Variants in TRRAP observed in about 807,000 individuals in gnomAD.
TRRAP encodes transformation/transcription domain-associated protein.
A neutral mutation model predicts 438.8 loss-of-function variants in TRRAP; 41 were observed. The observed-to-expected ratio is 0.09, with a 90% CI of 0.07 to 0.12. The LOEUF (loss-of-function observed/expected upper bound fraction) is 0.12, where lower values mean the gene tolerates loss of function less well. Ranked by LOEUF, TRRAP falls within the 10% of genes least tolerant of loss-of-function variation. TRRAP has a pLI of 1.00. For missense variants in TRRAP, 3,122 were observed against 5,055.1 expected (o/e 0.62, Z 11.60); for synonymous variants, 1,994 against 1,962.9 (o/e 1.02, Z -0.42).
chr7:99,012,225 C>G lies in TRRAP; in HGVS notation c.11492C>G (p.Ala3831Gly). The G allele has an allele frequency of 6.2e-7, 1 of 1,614,162 alleles. No homozygotes were observed. The highest frequency in any genetic ancestry group is 8.5e-7 in the Non-Finnish European group (1 of 1,180,002). ...TCCCTGGTTCAGAAAGCCGTCACCGCCATCATGACCCGCCTGCACAACCTC... is the reference window on the plus strand; with the variant it reads ...TCCCTGGTTCAGAAAGCCGTCACCGGCATCATGACCCGCCTGCACAACCTC... ...LVSLVQKAVTAIMTRLHNLAQ... is the reference protein window; with the variant it reads ...LVSLVQKAVTGIMTRLHNLAQ... Residue 3831 changes from alanine (A) to glycine (G), a missense_variant, in exon 73 of 73, where the codon GCC (alanine) becomes GGC (glycine). Around this residue, in one of 24 missense-constraint regions of TRRAP, gnomAD observed 192 missense variants for 355.6 expected, o/e 0.54. Coordinates refer to ENST00000456197, the MANE Select transcript of TRRAP (RefSeq NM_001375524.1). This position sits in a 1 kb window ranked among gnomAD's most constrained non-coding sequence, Gnocchi z 5.9.
rs1281305789 is a variant in TRRAP at position 98,948,019 on chromosome 7, A to G, written c.4549-202A>G. 1.3e-5 allele frequency among the ~76,000 whole-genome samples: 2 copies of G among 152,192 alleles called. No homozygotes were observed. Among genetic ancestry groups the G allele is most frequent in the African/African-American group, 4.8e-5 (2 of 41,446 alleles). ...CCCCTACAATGGACAGGAATGCTGAAGGCCACGGGCAGTCAGTTTCCTTAG... is the reference window on the plus strand; with the variant it reads ...CCCCTACAATGGACAGGAATGCTGAGGGCCACGGGCAGTCAGTTTCCTTAG... On this transcript the variant is annotated intron_variant, in intron 33 of 72. Coordinates refer to ENST00000456197, the MANE Select transcript of TRRAP (RefSeq NM_001375524.1). The surrounding 1 kb of genome is among the most constrained non-coding windows in gnomAD (Gnocchi z 4.9).
At chr7:98,928,216 A>G (rs1790143353) in intron 23 of TRRAP, among the ~76,000 whole-genome samples, 1 of 152,116 alleles carries the variant, frequency 6.6e-6, no homozygotes, top group African/African-American at 2.4e-5. Flanking sequence ...AGCCTGGGCA[A>G]CAAGAGCGAA....
chr7:98,892,460 A>C lies in TRRAP; in HGVS notation c.298A>C (p.Ile100Leu). 1.9e-6 allele frequency: 3 copies of C among 1,612,078 alleles called. No individual in the cohort carries two copies. The highest frequency in any genetic ancestry group is 2.5e-6 in the Non-Finnish European group (3 of 1,179,676). Reference protein sequence around the residue: ...RKLVLEIIHRIPTNEHLRPHT... With the variant: ...RKLVLEIIHRLPTNEHLRPHT... ...GCTCGTACTTGAAATAATTCATAGA[A>C]TACCAACCAACGAACATCTTCGTCC... Residue 100 changes from isoleucine to leucine, a missense_variant, in exon 5 of 73, where the codon ATA becomes CTA. By Grantham distance (5) the Ile-to-Leu change is conservative. This residue lies in a region of TRRAP where 343 missense variants were observed against 564.0 expected (regional missense o/e 0.61). Transcript: ENST00000456197.
At chr7:98,919,366 C>T (rs976042968) in intron 20 of TRRAP, among the ~76,000 whole-genome samples, 5 of 151,952 alleles carry the variant, frequency 3.3e-5, no homozygotes, top group Admixed American at 6.6e-5. Flanking sequence ...TTTGGGAGGC[C>T]GAGGCAGGAG....
At chr7:98,981,678 G>T in intron 58 of TRRAP, 91 bp from the exon 59 acceptor site, 1 of 1,395,298 alleles carries the variant, frequency 7.2e-7, no homozygotes, top group South Asian at 1.4e-5. Flanking sequence ...CATACCTAGT[G>T]ACCAAAAAAA....
intron 28 of TRRAP, among the ~76,000 whole-genome samples, chr7:98,936,943 A>T (rs1790582816): frequency 6.6e-6 from 1 of 152,152 alleles, no homozygotes; most frequent in East Asian, 1.9e-4. Flanking sequence ...GGGAAAGAAA[A>T]TTCAGCCGGG....
intron 67 of TRRAP, chr7:98,999,961 GA>G: frequency 4.5e-5 from 10 of 220,898 alleles, no homozygotes; most frequent in Admixed American, 5.7e-5. Context: ...ATAACAATCA[GA>G]AAAAAAGGAT....
chr7:98,972,580 ACT>A (rs1274464052), intron 53 of TRRAP, among the ~76,000 whole-genome samples: 6 of 152,012 alleles, frequency 3.9e-5, no homozygotes, highest in South Asian at 2.1e-4. Context: ...CCAGGTAGAA[ACT>A]CTCTGGCTTC....
At chr7:98,945,889 C>G in intron 32 of TRRAP, 41 bp from the exon 33 acceptor site, 1 of 1,562,864 alleles carries the variant, frequency 6.4e-7, no homozygotes, top group Non-Finnish European at 8.6e-7. Context: ...TTTTACCTTT[C>G]TGTTGCCTTT....
chr7:99,006,117 G>A (rs369622536), intron 69 of TRRAP, among the ~76,000 whole-genome samples: 10 of 152,322 alleles, frequency 6.6e-5, no homozygotes, highest in African/African-American at 2.2e-4. Flanking sequence ...ACCTCTGAAT[G>A]AAGTCTTTGT....
intron 62 of TRRAP, among the ~76,000 whole-genome samples, chr7:98,987,224 A>C (rs1204658486): frequency 6.6e-6 from 1 of 152,178 alleles, no homozygotes; most frequent in Non-Finnish European, 1.5e-5. Flanking sequence ...ATATTTCCAT[A>C]TGAATTTTAG....
chr7:98,985,338 T>C (rs1003081168), intron 62 of TRRAP, among the ~76,000 whole-genome samples: 3 of 152,266 alleles, frequency 2.0e-5, no homozygotes, highest in Non-Finnish European at 4.4e-5. Context: ...TTTACAGAGC[T>C]GGTTCGTTTT....
rs1175698571 is a variant in TRRAP at position 98,984,129 on chromosome 7, A to G, written c.9059A>G (p.Asp3020Gly). ...VTAYENSSQH[D>G]PSSNNAMLGV... is the part of the protein sequence containing the mutation. ...GCCTATGAGAATAGCTCTCAGCATG[A>G]TCCCAGTTCAAATAACGCTATGCTT... The change falls in exon 61 of 73, where the codon GAT (aspartate) becomes GGT (glycine). Residue 3020 changes from aspartate (D) to glycine (G), a missense_variant. Physicochemically the swap from Asp to Gly is moderately conservative, Grantham distance 94. Around this residue, in one of 24 missense-constraint regions of TRRAP, gnomAD observed 129 missense variants for 279.2 expected, o/e 0.46. Coordinates refer to ENST00000456197, the MANE Select transcript of TRRAP (RefSeq NM_001375524.1). The G allele has an allele frequency of 6.2e-7, 1 of 1,613,262 alleles. No homozygotes were observed. Among genetic ancestry groups the G allele is most frequent in the Non-Finnish European group, 8.5e-7 (1 of 1,179,648 alleles).
chr7:98,963,503 C>T (rs527701840), intron 47 of TRRAP, among the ~76,000 whole-genome samples: 3 of 152,290 alleles, frequency 2.0e-5, no homozygotes, highest in South Asian at 2.1e-4. Flanking sequence ...GGGGCAGCCT[C>T]GGGGTGAGGT....
chr7:98,912,013 T>A lies in TRRAP; in HGVS notation c.2008-9T>A. 1.9e-6 allele frequency: 3 copies of A among 1,610,080 alleles called. No homozygotes were observed. Among genetic ancestry groups the A allele is most frequent in the Non-Finnish European group, 2.5e-6 (3 of 1,177,506 alleles). The stretch of plus-strand genomic sequence containing the variant: ...ATTAATTTTTCACATGTGTTTCTTG[T>A]ATTGACAGATTGTTGCCAATTCCTT... On this transcript the variant is annotated splice_polypyrimidine_tract_variant and intron_variant, in intron 17 of 72. Coordinates refer to ENST00000456197, the MANE Select transcript of TRRAP (RefSeq NM_001375524.1).
chr7:98,973,894 G>A (rs1792533357), intron 53 of TRRAP, among the ~76,000 whole-genome samples: 1 of 152,190 alleles, frequency 6.6e-6, no homozygotes, highest in Non-Finnish European at 1.5e-5. Flanking sequence ...AGCAGGGTGT[G>A]GTTCTCAGGG....
intron 56 of TRRAP, 37 bp from the exon 57 acceptor site, chr7:98,978,174 A>T: frequency 6.6e-7 from 1 of 1,523,870 alleles, no homozygotes; most frequent in Non-Finnish European, 9.1e-7. Context: ...GTGTGTTTCT[A>T]GTTAAACAGT....
In TRRAP at chr7:99,012,358, G is replaced by T; in HGVS notation, c.*3G>T. ...CCGCCTGGCACCCCTGGCTGTGACT[G>T]TGGCCGCCACGGCCACCCGGAATGT... On this transcript the variant is annotated 3_prime_UTR_variant, in exon 73 of 73. Transcript: ENST00000456197. This position sits in a 1 kb window ranked among gnomAD's most constrained non-coding sequence, Gnocchi z 5.9. 1.3e-6 allele frequency: 2 copies of T among 1,589,576 alleles called. No homozygotes were observed. Among genetic ancestry groups the T allele is most frequent in the African/African-American group, 2.7e-5 (2 of 74,390 alleles).
intron 58 of TRRAP, among the ~76,000 whole-genome samples, chr7:98,980,656 A>C (rs927345203): frequency 2.6e-5 from 4 of 152,248 alleles, no homozygotes; most frequent in African/African-American, 9.6e-5. Flanking sequence ...CTTTAAAATG[A>C]CAGTAAAATT....
Sources: gnomAD v4.1 joint callset for allele counts (sites outside exome capture counted in the v4.1 genomes callset) on GRCh38, gnomAD v4.1.1 for gene constraint, gnomAD v4.1.1 regional missense constraint, Gnocchi (gnomAD v3.1) non-coding constraint, MANE v1.5 for transcripts, NCBI Gene and HGNC (gene_info 2026-07-23, HGNC 2026-07-21) for gene names.